The following CENPF variants were observed in gnomAD, a reference collection of about 807,000 sequenced individuals.
CENPF encodes centromere protein F.
CENPF carries 214 observed loss-of-function variants against 307.3 expected under a neutral mutation model. The observed-to-expected ratio is 0.70, with a 90% CI of 0.62 to 0.78. The LOEUF (loss-of-function observed/expected upper bound fraction) is 0.78, where lower values mean the gene tolerates loss of function less well. CENPF is among the 30% of genes least tolerant of loss of function. The pLI is 0.00. For missense variants in CENPF, 3,401 were observed against 3,483.9 expected, an observed-to-expected ratio of 0.98 and a Z score of 0.60; for synonymous variants, 1,259 against 1,270.6, an observed-to-expected ratio of 0.99 and a Z score of 0.19.
chr1:214,634,628 T>G (rs1657906238), intron 10 of CENPF, among the ~76,000 whole-genome samples: 1 of 152,236 alleles, frequency 6.6e-6, no homozygotes, highest in Non-Finnish European at 1.5e-5. Flanking sequence ...AGTCAGTTAT[T>G]GCAGTCCAAC....
At chr1:214,648,461 A>C (rs1558188198) in intron 13 of CENPF, 2 of 714,582 alleles carry the variant, frequency 2.8e-6, no homozygotes, top group Admixed American at 1.8e-5. Flanking sequence ...CCTTATTACT[A>C]TTCTTCTATT....
chr1:214,642,749 G>C lies in CENPF; in HGVS notation c.4411G>C (p.Gly1471Arg), dbSNP rs930605172. The change falls in exon 12 of 20, where the codon GGG (glycine) becomes CGG (arginine). Residue 1471 changes from glycine (G) to arginine (R), a missense_variant. Coordinates refer to ENST00000366955, the MANE Select transcript of CENPF (RefSeq NM_016343.4). ...GGAGATGCAGCTGGGCTTGGAGGAGGGGCTCGTTCCATCCCTGTCATCCTC... is the reference window on the plus strand; with the variant it reads ...GGAGATGCAGCTGGGCTTGGAGGAGCGGCTCGTTCCATCCCTGTCATCCTC... ...VKEMQLGLEE[G>R]LVPSLSSSCV... 3 of 1,613,936 alleles carry C rather than the reference G, an allele frequency of 1.9e-6. No homozygotes were observed. Among genetic ancestry groups the C allele is most frequent in the Non-Finnish European group, 2.5e-6 (3 of 1,180,012 alleles).
Position 214,649,107 on chromosome 1 carries a change from G to A in CENPF, c.7983+280G>A, listed in dbSNP as rs552267154. On this transcript the variant is annotated intron_variant, in intron 14 of 19. Transcript: ENST00000366955. ...AAGAGGACCCTTGGACCACATTAAC[G>A]CACAACAGAAGTAGATCTCATGCCG... Among the ~76,000 whole-genome samples, 7 of 152,256 alleles carry A rather than the reference G, an allele frequency of 4.6e-5. No homozygotes were observed. The South Asian group carries it at 1.2e-3, about 27-fold the overall frequency.
At chr1:214,603,442 T>A (rs989783363) in intron 1 of CENPF, 121 bp downstream of exon 1, 1 of 152,038 alleles carries the variant, frequency 6.6e-6, no homozygotes, top group Non-Finnish European at 1.5e-5. Context: ...CTGGGATCAC[T>A]CTCCCGGCCC....
At chr1:214,618,430 C>A in intron 3 of CENPF, 143 bp from the exon 4 acceptor site, 1 of 982,620 alleles carries the variant, frequency 1.0e-6, no homozygotes, top group Non-Finnish European at 1.5e-6. Flanking sequence ...TTATGAAATG[C>A]CTGTTGGATA....
intron 18 of CENPF, among the ~76,000 whole-genome samples, chr1:214,658,605 A>AT: frequency 6.6e-6 from 1 of 152,002 alleles, no homozygotes; most frequent in East Asian, 1.9e-4. Context: ...GTGTAGTGTT[A>AT]TTTTCCCCTT....
intron 17 of CENPF, among the ~76,000 whole-genome samples, chr1:214,655,762 T>C (rs1349198742): frequency 1.3e-5 from 2 of 152,080 alleles, no homozygotes; most frequent in Non-Finnish European, 2.9e-5. Context: ...GACTAATTTT[T>C]GTATTTTTTG....
intron 16 of CENPF, chr1:214,653,502 C>G (rs1658548076): frequency 6.4e-6 from 1 of 155,196 alleles, no homozygotes; most frequent in African/African-American, 2.4e-5. Flanking sequence ...GAAGGTGAAC[C>G]CTAGTCTCAG....
chr1:214,663,752 T>A lies in CENPF; in HGVS notation c.9303T>A (p.Ala3101=). ...GCCGACTTGTCCCCAGCCCCAAAGC[T>A]GGACTGGAGTCCAACGGCAGTGAGA... ...KRGRLVPSPK[A]GLESNGSENC... Residue 3101 remains alanine, a synonymous_variant, in exon 20 of 20, where the codon GCT becomes GCA. Coordinates refer to ENST00000366955, the MANE Select transcript of CENPF (RefSeq NM_016343.4). 6.2e-7 allele frequency: 1 copy of A among 1,614,094 alleles called. No homozygotes were observed. The highest frequency in any genetic ancestry group is 8.5e-7 in the Non-Finnish European group (1 of 1,180,026).
Position 214,642,831 on chromosome 1 carries a change from C to G in CENPF, c.4493C>G (p.Ala1498Gly). The G allele has an allele frequency of 6.2e-7, 1 of 1,613,952 alleles. No homozygotes were observed. Among genetic ancestry groups the G allele is most frequent in the Non-Finnish European group, 8.5e-7 (1 of 1,179,984 alleles). ...TTGGGAGACTCCTCCTTTTACAGAG[C>G]TCTTTTAGAACAGACAGGAGATATG... ...SSLGDSSFYR[A>G]LLEQTGDMSL... is the part of the protein sequence containing the mutation. The change falls in exon 12 of 20, where the codon GCT (alanine) becomes GGT (glycine). Residue 1498 changes from alanine to glycine, a missense_variant. Transcript: ENST00000366955.
At position 214,630,615 on chromosome 1, in the gene CENPF, CAGCA is replaced by C. The variant is rs1324309008; in HGVS notation, c.1280_1283del (p.Gln427ProfsTer18). The C allele has an allele frequency of 1.9e-6, 3 of 1,614,062 alleles. No individual in the cohort carries two copies. The highest frequency in any genetic ancestry group is 2.5e-6 in the Non-Finnish European group (3 of 1,180,034). ...GAAGGCCAGACTCACCCAGGAGTTACAGCAAGCCAAGAATATGCACAACGTCCTG... is the reference window on the plus strand; with the variant it reads ...GAAGGCCAGACTCACCCAGGAGTTACAGCCAAGAATATGCACAACGTCCTG... On this transcript the variant is annotated frameshift_variant, in exon 9 of 20. Transcript: ENST00000366955. LOFTEE classifies it high-confidence loss of function.
chr1:214,642,148 AAAGTAT>A lies in CENPF; in HGVS notation c.3812_3817del (p.Lys1271_Tyr1272del). ...AAGACTGTGAAATAGATGCGGAAGA[AAAGTAT>A]ATTTCAGGGCCTCATGAGTTGTCAA... On this transcript the variant is annotated inframe_deletion, in exon 12 of 20. Coordinates refer to ENST00000366955, the MANE Select transcript of CENPF (RefSeq NM_016343.4). The A allele has an allele frequency of 6.2e-7, 1 of 1,614,092 alleles. No individual in the cohort carries two copies. Among genetic ancestry groups the A allele is most frequent in the Non-Finnish European group, 8.5e-7 (1 of 1,179,996 alleles).
intron 8 of CENPF, among the ~76,000 whole-genome samples, chr1:214,629,702 C>T (rs1161347370): frequency 6.6e-6 from 1 of 152,136 alleles, no homozygotes; most frequent in Non-Finnish European, 1.5e-5. Flanking sequence ...CAGGCATGCA[C>T]CACCACACCT....
At chr1:214,627,679 C>G (rs1657694300) in intron 7 of CENPF, among the ~76,000 whole-genome samples, 1 of 152,106 alleles carries the variant, frequency 6.6e-6, no homozygotes, top group Non-Finnish European at 1.5e-5. Context: ...CCCGGCCCCT[C>G]CAGGTTCTTA....
At position 214,657,217 on chromosome 1, in the gene CENPF, G is replaced by A. The variant is rs769719828; in HGVS notation, c.8770G>A (p.Gly2924Ser). The part of the protein sequence containing the change: ...PSVTEKRLSS[G>S]QNKASGKRQR... ...TGTTACTGAAAAGAGGTTATCATCT[G>A]GCCAAAATAAAGCTTCAGGCAAGAG... is the stretch of plus-strand genomic sequence containing the variant. The change falls in exon 18 of 20, where the codon GGC becomes AGC. Residue 2924 changes from glycine to serine, a missense_variant. Transcript: ENST00000366955. The A allele has an allele frequency of 2.5e-6, 4 of 1,614,078 alleles. No homozygotes were observed. In the Admixed American group the frequency reaches 5.0e-5, roughly 20 times the overall value.
intron 1 of CENPF, chr1:214,603,788 A>T (rs1404768211): frequency 6.6e-6 from 1 of 150,878 alleles, no homozygotes; most frequent in Admixed American, 6.6e-5. Context: ...TTACGCGAGC[A>T]TTTCTCTTTC....
chr1:214,625,503 G>A (rs1657628749), intron 7 of CENPF, among the ~76,000 whole-genome samples: 1 of 152,174 alleles, frequency 6.6e-6, no homozygotes, highest in South Asian at 2.1e-4. Flanking sequence ...TTACAGACGT[G>A]AGCCACTGCA....
intron 7 of CENPF, 81 bp from the exon 8 acceptor site, chr1:214,628,965 C>A: frequency 9.6e-7 from 1 of 1,043,496 alleles, no homozygotes; most frequent in Non-Finnish European, 1.4e-6. Context: ...ACAATTATAG[C>A]AGTTTTTCTA....
chr1:214,638,145 A>C, intron 11 of CENPF, 144 bp downstream of exon 11: 1 of 860,542 alleles, frequency 1.2e-6, no homozygotes, highest in African/African-American at 1.8e-5. Flanking sequence ...GATGTGGAAG[A>C]GTTTTCCCTC....
Sources: gnomAD v4.1 joint callset for allele counts (sites outside exome capture counted in the v4.1 genomes callset) on GRCh38, gnomAD v4.1.1 for gene constraint, MANE v1.5 for transcripts, NCBI Gene and HGNC (gene_info 2026-07-23, HGNC 2026-07-21) for gene names.